SRSF11: variants seen among roughly 807,000 people sequenced by gnomAD.
The protein encoded by SRSF11 is serine and arginine rich splicing factor 11.
Under a neutral mutation model 56.0 loss-of-function variants are expected in SRSF11, and 9 were observed. The ratio of observed to expected loss-of-function variants is 0.16; its 90% CI spans 0.10 to 0.28. SRSF11 has a LOEUF of 0.28. Among genes scored for constraint, SRSF11 ranks in the 10% least tolerant of loss-of-function variants. SRSF11 has a pLI of 1.00. For synonymous variants in SRSF11, 222 were observed against 215.3 expected (o/e 1.03, Z -0.27); for missense variants, 421 against 600.7 (o/e 0.70, Z 3.13).
At chr1:70,206,731 A>T (rs1462486402) in intron 1 of SRSF11, among the ~76,000 whole-genome samples, 1 of 152,116 alleles carries the variant, frequency 6.6e-6, no homozygotes, top group African/African-American at 2.4e-5. Flanking sequence ...TTCATCACGC[A>T]CTTTTACCTG....
chr1:70,211,293 A>G (rs550164978), intron 1 of SRSF11, among the ~76,000 whole-genome samples: 48 of 152,280 alleles, frequency 3.2e-4, no homozygotes, highest in Admixed American at 2.0e-3. Flanking sequence ...ATTTCAATCA[A>G]AATCCACTAT....
At chr1:70,216,744 T>C (rs1336709353), upstream of SRSF11, among the ~76,000 whole-genome samples, 1 of 152,182 alleles carries the variant, frequency 6.6e-6, no homozygotes, top group Non-Finnish European at 1.5e-5. Flanking sequence ...CATTAACTCA[T>C]AATAAAATTG....
chr1:70,240,451 C>T (rs563601421), intron 7 of SRSF11, among the ~76,000 whole-genome samples: 10 of 152,240 alleles, frequency 6.6e-5, no homozygotes, highest in African/African-American at 2.2e-4. Context: ...TTGGTGCAAA[C>T]GTCAACACAG....
intron 1 of SRSF11, among the ~76,000 whole-genome samples, chr1:70,227,222 A>G (rs968185558): frequency 3.9e-5 from 6 of 152,178 alleles, no homozygotes; most frequent in African/African-American, 1.4e-4. Context: ...AGTATAACCA[A>G]ATCTGATGCA....
chr1:70,234,519 G>A (rs1673526212), intron 3 of SRSF11, among the ~76,000 whole-genome samples, 177 bp from the exon 4 acceptor site: 1 of 152,166 alleles, frequency 6.6e-6, no homozygotes, highest in Admixed American at 6.5e-5. Flanking sequence ...GTCTCTGGCT[G>A]CTTTCAAGCT....
At chr1:70,248,893 T>G (rs746059132) in intron 9 of SRSF11, 46 of 152,140 alleles carry the variant, frequency 3.0e-4, no homozygotes, top group Non-Finnish European at 4.0e-4. Context: ...AAGTATAAGG[T>G]GCACAGTCGT....
intron 2 of SRSF11, 150 bp downstream of exon 2, chr1:70,228,705 A>T: frequency 2.3e-6 from 3 of 1,318,750 alleles, no homozygotes. Flanking sequence ...TTGCTTGCAG[A>T]TTTTTTTTAA....
At chr1:70,210,543 T>C (rs1669471832) in intron 1 of SRSF11, among the ~76,000 whole-genome samples, 2 of 152,100 alleles carry the variant, frequency 1.3e-5, no homozygotes, top group Admixed American at 6.6e-5. Flanking sequence ...TGAAACTCTG[T>C]CTCTACAAAA....
In SRSF11 at chr1:70,232,373, C is replaced by G. The variant is rs1672995635; in HGVS notation, c.443C>G (p.Thr148Ser). The change falls in exon 3 of 12, where the codon ACC becomes AGC. Residue 148 changes from threonine (T) to serine (S), a missense_variant. This residue lies in a region of SRSF11 where 168 missense variants were observed against 294.9 expected (regional missense o/e 0.57). Transcript: ENST00000370949. ...GGLLPTPNPLTQIGAVPLAAL... is the reference protein window; with the variant it reads ...GGLLPTPNPLSQIGAVPLAAL... ...CTCCTGCCTACTCCTAACCCACTTA[C>G]CCAGGTACTAGTTCTATTGAATTCT... The G allele has an allele frequency of 6.2e-7, 1 of 1,611,196 alleles. No individual in the cohort carries two copies. Among genetic ancestry groups the G allele is most frequent in the Non-Finnish European group, 8.5e-7 (1 of 1,178,398 alleles).
intron 2 of SRSF11, 68 bp downstream of exon 2, chr1:70,228,623 T>C: frequency 1.3e-6 from 2 of 1,520,034 alleles, no homozygotes; most frequent in Non-Finnish European, 1.8e-6. Context: ...AGATGTAGAG[T>C]GAGCATTAGT....
chr1:70,210,555 A>G (rs1450591009), intron 1 of SRSF11, among the ~76,000 whole-genome samples: 1 of 152,202 alleles, frequency 6.6e-6, no homozygotes, highest in Non-Finnish European at 1.5e-5. Context: ...TCTACAAAAA[A>G]TACAAAAATT....
intron 2 of SRSF11, chr1:70,231,602 T>C (rs1446713101): frequency 5.3e-6 from 6 of 1,134,014 alleles, no homozygotes; most frequent in Non-Finnish European, 5.5e-6. Flanking sequence ...CCTATCTCTC[T>C]TTCTCTCTCA....
At chr1:70,226,767 C>T (rs550505556) in intron 1 of SRSF11, among the ~76,000 whole-genome samples, 1 of 152,328 alleles carries the variant, frequency 6.6e-6, no homozygotes, top group Non-Finnish European at 1.5e-5. Flanking sequence ...CAGTGAGGCA[C>T]ACCTGCAGCC....
At chr1:70,206,023 G>A (rs550759119) in intron 1 of SRSF11, among the ~76,000 whole-genome samples, 62 of 152,278 alleles carry the variant, frequency 4.1e-4, no homozygotes, top group African/African-American at 1.5e-3. Context: ...CAGACCTCTG[G>A]CGTACGGAGT....
intron 1 of SRSF11, among the ~76,000 whole-genome samples, chr1:70,225,464 C>T (rs1480384425): frequency 3.9e-5 from 6 of 152,008 alleles, no homozygotes; most frequent in East Asian, 1.9e-4. Context: ...TGTGGGTTGG[C>T]GATACTTTTA....
chr1:70,237,099 T>C (rs1174672997), intron 5 of SRSF11, among the ~76,000 whole-genome samples: 2 of 152,152 alleles, frequency 1.3e-5, no homozygotes, highest in Non-Finnish European at 2.9e-5. Flanking sequence ...AAATTTTTAA[T>C]TTATATGAAT....
At chr1:70,250,126 T>G in intron 10 of SRSF11, 79 bp downstream of exon 10, 1 of 1,376,510 alleles carries the variant, frequency 7.3e-7, no homozygotes, top group Non-Finnish European at 1.0e-6. Flanking sequence ...GTAGTTTTTC[T>G]TTTCAGCAGT....
chr1:70,212,942 C>CT (rs1485748837), intron 1 of SRSF11, among the ~76,000 whole-genome samples: 1 of 151,398 alleles, frequency 6.6e-6, no homozygotes, highest in East Asian at 1.9e-4. Flanking sequence ...GTCCCAGCTA[C>CT]TGGGGGGGTG....
chr1:70,237,334 G>T, intron 5 of SRSF11, 91 bp from the exon 6 acceptor site: 2 of 1,505,420 alleles, frequency 1.3e-6, no homozygotes, highest in Non-Finnish European at 1.8e-6. Flanking sequence ...GGAATATTTT[G>T]CTAAAATAAT....
Sources: allele counts gnomAD v4.1 joint callset (sites outside exome capture counted in the v4.1 genomes callset), GRCh38; gene constraint gnomAD v4.1.1; regional missense constraint gnomAD v4.1.1; transcripts MANE v1.5; gene names NCBI Gene and HGNC (gene_info 2026-07-23, HGNC 2026-07-21).